The following LPP variants were observed in gnomAD, a reference collection of about 807,000 sequenced individuals.
LPP encodes the protein LIM domain containing preferred translocation partner in lipoma.
LPP carries 38 observed loss-of-function variants against 60.4 expected under a neutral mutation model. That is an observed-to-expected ratio of 0.63 (90% CI 0.49 to 0.83). LPP has a LOEUF of 0.83. Among genes scored for constraint, LPP ranks in the 40% least tolerant of loss-of-function variants. The probability of loss-of-function intolerance (pLI) is 0.00; values close to 1 mark genes in which losing one functional copy is unlikely to be tolerated. For synonymous variants in LPP, 328 were observed against 290.8 expected (o/e 1.13, Z -1.30); for missense variants, 902 against 783.6 (o/e 1.15, Z -1.80).
intron 8 of LPP, among the ~76,000 whole-genome samples, chr3:188,716,818 A>G (rs901665824): frequency 6.6e-6 from 1 of 152,206 alleles, no homozygotes; most frequent in Non-Finnish European, 1.5e-5. Context: ...ATTATACTTC[A>G]TAAGTGCTGT....
Position 188,880,135 on chromosome 3 carries a change from A to G in LPP, c.*5656A>G, listed in dbSNP as rs1000969507. ...AAGCTCCGCCTCCCAGGTTCACGCC[A>G]TTCTCCTGTCTCAGCCTCCCGAGTA... On this transcript the variant is annotated 3_prime_UTR_variant, in exon 12 of 12. Transcript: ENST00000617246. 1.9e-5 allele frequency: 3 copies of G among 159,360 alleles called. No individual in the cohort carries two copies. The highest frequency in any genetic ancestry group is 4.1e-5 in the Non-Finnish European group (3 of 73,856). 9.9% of individuals were successfully genotyped at this position (159,360 alleles called of 1,614,324 possible). A position where few individuals can be genotyped will look rare whatever the true frequency, so the allele number is the denominator to read the frequency against.
At chr3:188,672,473 G>A (rs993312968) in intron 7 of LPP, among the ~76,000 whole-genome samples, 2 of 152,088 alleles carry the variant, frequency 1.3e-5, no homozygotes, top group Admixed American at 1.3e-4. Flanking sequence ...GTTAGGGAGG[G>A]TTAAAGGACT....
intron 5 of LPP, among the ~76,000 whole-genome samples, chr3:188,509,873 G>GTTTTTTTTTT (rs35389820): frequency 9.9e-5 from 11 of 111,030 alleles, no homozygotes; most frequent in Non-Finnish European, 1.2e-4. Context: ...TTTTTTTGTT[G>GTTTTTTTTTT]TTTTTTTTTT....
At chr3:188,686,669 A>G (rs1860800981) in intron 7 of LPP, among the ~76,000 whole-genome samples, 1 of 152,190 alleles carries the variant, frequency 6.6e-6, no homozygotes, top group Admixed American at 6.5e-5. Flanking sequence ...AAGCTTCCCA[A>G]GTGATTCTGA....
At position 188,217,847 on chromosome 3, in the gene LPP, G is replaced by A. The variant is rs1434168804; in HGVS notation, c.-189-7558G>A. 6.6e-6 allele frequency among the ~76,000 whole-genome samples: 1 copy of A among 152,148 alleles called. No homozygotes were observed. Among genetic ancestry groups the A allele is most frequent in the Non-Finnish European group, 1.5e-5 (1 of 68,032 alleles). The stretch of plus-strand genomic sequence containing the variant: ...AGCTTTGGGCCAGTGCACAGAGGAT[G>A]GTGGCTTCCTGCCTTTGGCTTCCCA... On this transcript the variant is annotated intron_variant, in intron 1 of 11. Coordinates refer to ENST00000617246, the MANE Select transcript of LPP (RefSeq NM_001375462.1). The surrounding 1 kb of genome is among the most constrained non-coding windows in gnomAD (Gnocchi z 4.0).
intron 9 of LPP, among the ~76,000 whole-genome samples, chr3:188,803,627 T>A (rs934245795): frequency 6.6e-6 from 1 of 152,206 alleles, no homozygotes; most frequent in Non-Finnish European, 1.5e-5. Flanking sequence ...AAACCATAGA[T>A]GGGTCTATTT....
At chr3:188,552,247 A>G (rs1828341887) in intron 6 of LPP, among the ~76,000 whole-genome samples, 1 of 152,150 alleles carries the variant, frequency 6.6e-6, no homozygotes, top group Non-Finnish European at 1.5e-5. Context: ...ATAGCTAGCA[A>G]CCCAGCATTG....
intron 9 of LPP, 126 bp downstream of exon 9, chr3:188,760,408 G>GGGTGTGTGT: frequency 1.3e-6 from 1 of 742,350 alleles, no homozygotes; most frequent in Admixed American, 2.7e-5. Context: ...TGTGTGTGTG[G>GGGTGTGTGT]GGTGTGTGTG....
intron 6 of LPP, among the ~76,000 whole-genome samples, chr3:188,594,566 T>C (rs1839612901): frequency 6.6e-6 from 1 of 152,224 alleles, no homozygotes; most frequent in Non-Finnish European, 1.5e-5. Context: ...GCAACATTCC[T>C]GGTAATTAGA....
chr3:188,634,766 AGGGC>A (rs1848428850), intron 7 of LPP, among the ~76,000 whole-genome samples: 1 of 152,204 alleles, frequency 6.6e-6, no homozygotes, highest in Non-Finnish European at 1.5e-5. Flanking sequence ...AAACAAGCTC[AGGGC>A]TCCCACTGAT....
At chr3:188,478,841 C>T (rs916697153) in intron 4 of LPP, among the ~76,000 whole-genome samples, 2 of 152,070 alleles carry the variant, frequency 1.3e-5, no homozygotes, top group African/African-American at 2.4e-5. Context: ...CTGCAACCTC[C>T]GCCTCCCGGT....
chr3:188,174,880 C>G (rs1329325793), intron 1 of LPP, among the ~76,000 whole-genome samples: 6 of 152,240 alleles, frequency 3.9e-5, no homozygotes, highest in Admixed American at 3.9e-4. Flanking sequence ...TTCCATGGCC[C>G]TTTGTCTGTA....
intron 9 of LPP, among the ~76,000 whole-genome samples, chr3:188,795,684 A>G (rs1294295876): frequency 6.6e-6 from 1 of 151,946 alleles, no homozygotes; most frequent in Non-Finnish European, 1.5e-5. Flanking sequence ...AGTCTCTGTC[A>G]TGCTTTCATC....
intron 8 of LPP, among the ~76,000 whole-genome samples, chr3:188,733,290 CGTGTGTGTGT>C (rs10576864): frequency 5.4e-5 from 8 of 147,064 alleles, no homozygotes; most frequent in South Asian, 2.2e-4. Context: ...TCACCAAAAA[CGTGTGTGTGT>C]GTGTGTGTGT....
chr3:188,351,715 C>G (rs775191941), intron 3 of LPP, among the ~76,000 whole-genome samples: 1 of 152,168 alleles, frequency 6.6e-6, no homozygotes, highest in Non-Finnish European at 1.5e-5. Context: ...GAAAGGCACT[C>G]GGTAGTGGAT....
chr3:188,637,914 C>G lies in LPP; in HGVS notation c.1113+28070C>G, dbSNP rs567890854. 9.2e-4 allele frequency among the ~76,000 whole-genome samples: 138 copies of G among 150,460 alleles called. 1 individual carries two copies. In the Middle Eastern group the frequency reaches 0.01, roughly 11 times the overall value. Reference sequence around the variant, plus strand: ...AAGAGTCCAGGACCAGATGGATTCACAGCCGAATTCTACCAAAGGTACAAG... The same window carrying G: ...AAGAGTCCAGGACCAGATGGATTCAGAGCCGAATTCTACCAAAGGTACAAG... On this transcript the variant is annotated intron_variant, in intron 7 of 11. Transcript: ENST00000617246.
chr3:188,320,511 A>ACC (rs1172304530), intron 2 of LPP, among the ~76,000 whole-genome samples: 2 of 152,166 alleles, frequency 1.3e-5, no homozygotes, highest in East Asian at 3.9e-4. Context: ...TAGAAAGGAG[A>ACC]ACACTTGGGA....
chr3:188,856,569 A>G (rs554023920), intron 9 of LPP, among the ~76,000 whole-genome samples: 1 of 152,172 alleles, frequency 6.6e-6, no homozygotes, highest in Non-Finnish European at 1.5e-5. Flanking sequence ...TGCTTCTCCC[A>G]TTTCTTATAA....
At chr3:188,259,333 C>T (rs1732780997) in intron 2 of LPP, among the ~76,000 whole-genome samples, 1 of 152,166 alleles carries the variant, frequency 6.6e-6, no homozygotes, top group Non-Finnish European at 1.5e-5. Flanking sequence ...CACCTGACAC[C>T]AGTCTCTCTT....
Sources: allele counts gnomAD v4.1 joint callset (sites outside exome capture counted in the v4.1 genomes callset), GRCh38; gene constraint gnomAD v4.1.1; non-coding constraint Gnocchi (gnomAD v3.1); transcripts MANE v1.5; gene names NCBI Gene and HGNC (gene_info 2026-07-23, HGNC 2026-07-21).